The following IQGAP3 variants were observed in gnomAD, a reference collection of about 807,000 sequenced individuals.
IQGAP3 encodes ras GTPase-activating-like protein IQGAP3.
Under a neutral mutation model 208.2 loss-of-function variants are expected in IQGAP3, and 165 were observed. The observed-to-expected ratio is 0.79, with a 90% confidence interval of 0.70 to 0.90. IQGAP3 has a LOEUF of 0.90. Among genes scored for constraint, IQGAP3 ranks in the 40% least tolerant of loss-of-function variants. The pLI is 0.00. For missense variants in IQGAP3, 1,811 were observed against 2,043.1 expected (o/e 0.89, Z 2.19); for synonymous variants, 703 against 803.6 (o/e 0.87, Z 2.12).
At position 156,539,524 on chromosome 1, in the gene IQGAP3, T is replaced by C; in HGVS notation, c.2906A>G (p.Tyr969Cys). The C allele has an allele frequency of 6.2e-7, 1 of 1,614,098 alleles. No individual in the cohort carries two copies. The highest frequency in any genetic ancestry group is 2.2e-5 in the East Asian group (1 of 44,880). Residue 969 changes from tyrosine to cysteine, a missense_variant, in exon 25 of 38, where the codon TAC becomes TGC. By Grantham distance (194) the Tyr-to-Cys change is radical. Transcript: ENST00000361170. ...CATCTGAAAGATCAGCTTGGCCAGG[T>C]AGATGGGCTGAGTCTGCAAGCAAGA... is the stretch of plus-strand genomic sequence containing the variant. ...LFYLLQTQPIYLAKLIFQMPQ... is the reference protein window; with the variant it reads ...LFYLLQTQPICLAKLIFQMPQ...
intron 3 of IQGAP3, 115 bp downstream of exon 3, chr1:156,566,275 C>T: frequency 6.3e-6 from 8 of 1,270,114 alleles, no homozygotes; most frequent in South Asian, 2.8e-5. Context: ...ATTAATAACA[C>T]TCCCTTTTAT....
intron 1 of IQGAP3, among the ~76,000 whole-genome samples, chr1:156,570,466 C>T (rs934110637): frequency 9.9e-5 from 15 of 152,216 alleles, no homozygotes; most frequent in African/African-American, 1.4e-4. Context: ...GTCTAGGCTG[C>T]GGTTAGCCAT....
Position 156,539,898 on chromosome 1 carries a change from C to T in IQGAP3, c.2832G>A (p.Ser944=), listed in dbSNP as rs778341679. The T allele has an allele frequency of 1.7e-5, 27 of 1,614,012 alleles. No individual in the cohort carries two copies. Among genetic ancestry groups the T allele is most frequent in the Non-Finnish European group, 2.2e-5 (26 of 1,180,040 alleles). ...MVLDKQKGLK[S]LSKEKRQKLE... ...GTTTCTGCCGTTTCTCTTTGCTCAG[C>T]GACTTTAAACCCTTCTGCTTGTCCA... Residue 944 remains serine (S), a synonymous_variant, in exon 24 of 38, where the codon TCG becomes TCA. Coordinates refer to ENST00000361170, the MANE Select transcript of IQGAP3 (RefSeq NM_178229.5).
At chr1:156,567,052 A>T (rs1363929019) in intron 2 of IQGAP3, among the ~76,000 whole-genome samples, 2 of 151,940 alleles carry the variant, frequency 1.3e-5, no homozygotes, top group African/African-American at 4.8e-5. Flanking sequence ...TTTTTAGTAG[A>T]GATAGGGTTT....
chr1:156,556,689 G>A lies in IQGAP3; in HGVS notation c.1134C>T (p.Leu378=), dbSNP rs1266545911. The change falls in exon 12 of 38, where the codon CTC becomes CTT. Residue 378 remains leucine, a synonymous_variant. Transcript: ENST00000361170. ...NTKGDQEQAM[L]HAVQRINKAI... ...CTTTGTTGATCCGCTGCACAGCGTG[G>A]AGCACTGCAAGGCAGGAGAGCAACA... 5.7e-6 allele frequency: 9 copies of A among 1,571,166 alleles called. No individual in the cohort carries two copies. Among genetic ancestry groups the A allele is most frequent in the African/African-American group, 1.4e-5 (1 of 73,936 alleles).
At chr1:156,539,651 C>A in intron 24 of IQGAP3, 114 bp from the exon 25 acceptor site, 4 of 1,263,834 alleles carry the variant, frequency 3.2e-6, no homozygotes, top group Non-Finnish European at 4.5e-6. Flanking sequence ...CACTACCACA[C>A]TTTCTCCAGG....
chr1:156,535,965 G>C (rs1378767614), intron 27 of IQGAP3, among the ~76,000 whole-genome samples: 2 of 152,162 alleles, frequency 1.3e-5, no homozygotes, highest in Non-Finnish European at 2.9e-5. Flanking sequence ...AAATGTGCTA[G>C]ACTGTATTAT....
rs146347973 is a variant in IQGAP3 at position 156,563,605 on chromosome 1, G to C, written c.567C>G (p.Phe189Leu). The change falls in exon 7 of 38, where the codon TTC becomes TTG. Residue 189 changes from phenylalanine to leucine, a missense_variant. By Grantham distance (22) the Phe-to-Leu change is conservative. Transcript: ENST00000361170. The part of the protein sequence containing the change: ...LAKYGLQLPA[F>L]SKIGGILANE... ...TGGCCAAGATGCCCCCGATCTTGCT[G>C]AAGGCAGGCAGCTGGAGGCCATATT... The C allele has an allele frequency of 5.0e-6, 8 of 1,613,080 alleles. No homozygotes were observed. In the South Asian group the frequency reaches 8.8e-5, roughly 18 times the overall value.
intron 18 of IQGAP3, 36 bp from the exon 19 acceptor site, chr1:156,548,279 G>C: frequency 6.2e-7 from 1 of 1,608,944 alleles, no homozygotes; most frequent in Non-Finnish European, 8.5e-7. Context: ...TGGTCTTTTG[G>C]GGAGTGGGAG....
chr1:156,541,697 T>C (rs1245710298), intron 22 of IQGAP3, among the ~76,000 whole-genome samples: 2 of 152,184 alleles, frequency 1.3e-5, no homozygotes, highest in Non-Finnish European at 2.9e-5. Flanking sequence ...CAGTTAGTAA[T>C]AAATGAAGGA....
chr1:156,544,212 C>A lies in IQGAP3; in HGVS notation c.2400G>T (p.Trp800Cys). The A allele has an allele frequency of 6.2e-7, 1 of 1,614,116 alleles. No individual in the cohort carries two copies. Among genetic ancestry groups the A allele is most frequent in the African/African-American group, 1.3e-5 (1 of 75,034 alleles). The change falls in exon 21 of 38, where the codon TGG (tryptophan) becomes TGT (cysteine). Residue 800 changes from tryptophan to cysteine, a missense_variant. By Grantham distance (215) the Trp-to-Cys change is radical. Transcript: ENST00000361170. ...GCCTCCGAGCTGCCCACATCCGGGC[C>A]CAGGCCTGGATCTGGGAGAAGAAAC... ...NLDAIIKIQA[W>C]ARMWAARRQY...
At chr1:156,554,416 TC>T (rs1443066530) in intron 12 of IQGAP3, 24 bp from the exon 13 acceptor site, 1 of 1,578,184 alleles carries the variant, frequency 6.3e-7, no homozygotes, top group African/African-American at 1.4e-5. Flanking sequence ...GAGGGCCAAT[TC>T]CCAAGTGGGC....
intron 1 of IQGAP3, 82 bp downstream of exon 1, chr1:156,572,411 C>T: frequency 7.0e-7 from 1 of 1,438,344 alleles, no homozygotes; most frequent in Non-Finnish European, 9.7e-7. Flanking sequence ...GCCCGACACA[C>T]GCCCCAATCT....
chr1:156,563,686 G>C lies in IQGAP3; in HGVS notation c.506-20C>G, dbSNP rs747995372. On this transcript the variant is annotated intron_variant, in intron 6 of 37. Transcript: ENST00000361170. ...CCTCAGCTGCAATGATGCCACAGGTGCCCTTCATCAGGCCCAGAACCCCCA... is the reference window on the plus strand; with the variant it reads ...CCTCAGCTGCAATGATGCCACAGGTCCCCTTCATCAGGCCCAGAACCCCCA... 1 of 1,609,446 alleles carries C rather than the reference G, an allele frequency of 6.2e-7. No individual in the cohort carries two copies. The highest frequency in any genetic ancestry group is 8.5e-7 in the Non-Finnish European group (1 of 1,176,820).
At chr1:156,534,895 G>A (rs934695320) in intron 28 of IQGAP3, among the ~76,000 whole-genome samples, 162 bp from the exon 29 acceptor site, 2 of 152,196 alleles carry the variant, frequency 1.3e-5, no homozygotes, top group African/African-American at 4.8e-5. Flanking sequence ...AGGCCACACA[G>A]CAAACCTGAG....
chr1:156,540,645 G>A lies in IQGAP3; in HGVS notation c.2739+63C>T, dbSNP rs1674931215. The A allele has an allele frequency of 2.8e-6, 4 of 1,429,892 alleles. No homozygotes were observed. The Admixed American group carries it at 5.1e-5, about 18-fold the overall frequency. The allele number at this position is 1,429,892 out of a possible 1,614,324, so 88.6% of individuals were successfully genotyped here. On this transcript the variant is annotated intron_variant, in intron 23 of 37. Transcript: ENST00000361170. ...AAAATTGATTAGCAAGCAGAGAATG[G>A]TCAGCATCACATCTCCAGAGGCAGG...
chr1:156,559,550 C>G (rs149038047), intron 11 of IQGAP3, among the ~76,000 whole-genome samples: 1 of 152,212 alleles, frequency 6.6e-6, no homozygotes, highest in Non-Finnish European at 1.5e-5. Flanking sequence ...CCACACAATG[C>G]TATGGCAGAG....
In IQGAP3 at chr1:156,560,960, T is replaced by C; in HGVS notation, c.1103A>G (p.Asn368Ser). 1 of 1,613,778 alleles carries C rather than the reference T, an allele frequency of 6.2e-7. No individual in the cohort carries two copies. The highest frequency in any genetic ancestry group is 1.3e-5 in the African/African-American group (1 of 75,026). Residue 368 changes from asparagine to serine, a missense_variant, in exon 11 of 38, where the codon AAC (asparagine) becomes AGC (serine). Asn to Ser is a conservative substitution (Grantham distance 46, BLOSUM62 1). Transcript: ENST00000361170. The part of the protein sequence containing the change: ...EEVQAGVAAA[N>S]TKGDQEQAML... ...GGCTTGTTCCTGATCACCCTTTGTG[T>C]TGGCTGCAGCCACACCAGCCTGGAC...
At chr1:156,544,738 C>T (rs1419439661) in intron 19 of IQGAP3, among the ~76,000 whole-genome samples, 1 of 152,154 alleles carries the variant, frequency 6.6e-6, no homozygotes, top group Non-Finnish European at 1.5e-5. Flanking sequence ...CTCTAACCAA[C>T]ACCTCTTCAC....
Sources: gnomAD v4.1 joint callset for allele counts (sites outside exome capture counted in the v4.1 genomes callset) on GRCh38, gnomAD v4.1.1 for gene constraint, MANE v1.5 for transcripts, NCBI Gene and HGNC (gene_info 2026-07-23, HGNC 2026-07-21) for gene names.